METTL15: variants seen among roughly 807,000 people sequenced by gnomAD.
The protein encoded by METTL15 is 12S rRNA N(4)-cytidine methyltransferase METTL15.
Under a neutral mutation model 38.3 loss-of-function variants are expected in METTL15, and 34 were observed. The observed-to-expected ratio is 0.89, with a 90% CI of 0.68 to 1.18. The LOEUF is 1.18. METTL15 is among the 50% of genes most tolerant of loss of function. The pLI, the probability that METTL15 is intolerant of heterozygous loss-of-function variation, is 0.00. For synonymous variants in METTL15, 162 were observed against 170.9 expected (o/e 0.95, Z 0.41); for missense variants, 438 against 498.4 (o/e 0.88, Z 1.15).
chr11:28,123,741 CAT>C, intron 3 of METTL15: 1 of 539,684 alleles, frequency 1.9e-6, no homozygotes, highest in Non-Finnish European at 3.1e-6. Context: ...CTAATTTAGG[CAT>C]ATATTTTTTA....
intron 3 of METTL15, among the ~76,000 whole-genome samples, chr11:28,130,681 C>T (rs1852728831): frequency 6.6e-6 from 1 of 152,146 alleles, no homozygotes; most frequent in Non-Finnish European, 1.5e-5. Context: ...TCTACATGCG[C>T]AGATGTTGCA....
chr11:28,337,044 A>C (rs978535878), downstream of METTL15, among the ~76,000 whole-genome samples: 2 of 151,432 alleles, frequency 1.3e-5, no homozygotes, highest in Admixed American at 6.6e-5. Flanking sequence ...TAATGTGTGC[A>C]TTTGTGGCTT....
At chr11:28,513,003 G>T (rs1466545591) in intron 6 of METTL15, among the ~76,000 whole-genome samples, 1 of 152,202 alleles carries the variant, frequency 6.6e-6, no homozygotes, top group African/African-American at 2.4e-5. Flanking sequence ...GCTTTCTCAG[G>T]GGTGGCAGAG....
At chr11:28,499,481 C>T (rs1422273144) in intron 6 of METTL15, among the ~76,000 whole-genome samples, 1 of 152,120 alleles carries the variant, frequency 6.6e-6, no homozygotes, top group Admixed American at 6.6e-5. Flanking sequence ...TCCATTAGTT[C>T]TCTTTATTCC....
chr11:28,184,093 CAGT>C (rs773936777), intron 3 of METTL15, among the ~76,000 whole-genome samples: 1 of 151,928 alleles, frequency 6.6e-6, no homozygotes, highest in African/African-American at 2.4e-5. Context: ...TCTGTGGAAT[CAGT>C]GGTGATATCC....
At chr11:28,512,551 C>T (rs1590399937) in intron 6 of METTL15, among the ~76,000 whole-genome samples, 1 of 152,230 alleles carries the variant, frequency 6.6e-6, no homozygotes, top group Non-Finnish European at 1.5e-5. Flanking sequence ...GGACCCAGTA[C>T]ACCCTCCGAG....
At chr11:28,313,448 G>T (rs1249949866) in intron 6 of METTL15, among the ~76,000 whole-genome samples, 1 of 151,416 alleles carries the variant, frequency 6.6e-6, no homozygotes, top group Non-Finnish European at 1.5e-5. Context: ...ATGAATTTAT[G>T]ATTCAGTAAT....
chr11:28,341,090 T>G (rs1849948062), intron 3 of METTL15, among the ~76,000 whole-genome samples: 1 of 152,032 alleles, frequency 6.6e-6, no homozygotes, highest in African/African-American at 2.4e-5. Context: ...AAACACCACA[T>G]GTTCTCACTC....
At chr11:28,342,715 T>A (rs933269244) in intron 3 of METTL15, among the ~76,000 whole-genome samples, 9 of 152,228 alleles carry the variant, frequency 5.9e-5, no homozygotes, top group Non-Finnish European at 1.2e-4. Flanking sequence ...CATCTGAATG[T>A]TAAGTTAAAC....
intron 3 of METTL15, among the ~76,000 whole-genome samples, chr11:28,160,559 T>C (rs56258184): frequency 6.6e-6 from 1 of 152,120 alleles, no homozygotes; most frequent in Non-Finnish European, 1.5e-5. Flanking sequence ...CTGCTGAGTT[T>C]ATTTTTTGTG....
At chr11:28,263,816 T>A (rs1355503162) in intron 4 of METTL15, among the ~76,000 whole-genome samples, 1 of 152,114 alleles carries the variant, frequency 6.6e-6, no homozygotes, top group African/African-American at 2.4e-5. Flanking sequence ...TCTTTTTCCT[T>A]CATTCTTTCT....
chr11:28,321,388 T>A (rs977792664), intron 6 of METTL15, among the ~76,000 whole-genome samples: 10 of 152,174 alleles, frequency 6.6e-5, no homozygotes, highest in Non-Finnish European at 1.3e-4. Flanking sequence ...GACATTTCCA[T>A]TACACAATGT....
intron 6 of METTL15, among the ~76,000 whole-genome samples, chr11:28,497,731 C>A (rs116754609): frequency 1.3e-3 from 191 of 152,232 alleles, no homozygotes; most frequent in African/African-American, 4.4e-3. Context: ...GGCAGAAGAG[C>A]AAGAGAGGCA....
intron 6 of METTL15, among the ~76,000 whole-genome samples, chr11:28,303,176 G>C (rs193109330): frequency 5.6e-4 from 86 of 152,238 alleles, no homozygotes; most frequent in Non-Finnish European, 8.7e-4. Context: ...GAAATTACCA[G>C]TTAAATGCTA....
intron 6 of METTL15, among the ~76,000 whole-genome samples, chr11:28,489,114 T>C (rs1424601516): frequency 1.3e-5 from 2 of 152,132 alleles, no homozygotes; most frequent in Admixed American, 6.6e-5. Flanking sequence ...GAGATGTGTG[T>C]CACAAAATCT....
intron 3 of METTL15, among the ~76,000 whole-genome samples, chr11:28,160,470 A>G (rs1326333081): frequency 1.3e-5 from 2 of 152,082 alleles, no homozygotes. Flanking sequence ...CAGGATTAAG[A>G]TTTTGGTAGA....
intron 3 of METTL15, among the ~76,000 whole-genome samples, chr11:28,160,295 G>A (rs7935321): frequency 5.3e-5 from 8 of 151,356 alleles, no homozygotes; most frequent in East Asian, 1.9e-4. Context: ...TATATATTCC[G>A]TTAGTTCTGT....
At chr11:28,268,726 A>T (rs936967880) in intron 4 of METTL15, among the ~76,000 whole-genome samples, 1 of 152,196 alleles carries the variant, frequency 6.6e-6, no homozygotes, top group African/African-American at 2.4e-5. Flanking sequence ...ATATGAAATA[A>T]CATAAACCAT....
rs1166256213 is a variant in METTL15, at chr11:28,331,881, C to G, written c.*1040C>G. 2 of 152,006 alleles carry G rather than the reference C, an allele frequency of 1.3e-5. No individual in the cohort carries two copies. The highest frequency in any genetic ancestry group is 2.9e-5 in the Non-Finnish European group (2 of 67,976). The allele number at this position is 152,006 out of a possible 1,614,324, so 9.4% of individuals were successfully genotyped here. ...GTTGGAGATAATTAGTCAAAGGGCA[C>G]ATGGAGTATGGAAGGGGGCATGTTG... On this transcript the variant is annotated 3_prime_UTR_variant, in exon 7 of 7. Coordinates refer to ENST00000407364, the MANE Select transcript of METTL15 (RefSeq NM_001113528.2).
Sources: allele counts gnomAD v4.1 joint callset (sites outside exome capture counted in the v4.1 genomes callset), GRCh38; gene constraint gnomAD v4.1.1; transcripts MANE v1.5; gene names NCBI Gene and HGNC (gene_info 2026-07-23, HGNC 2026-07-21).